ZNF568: variants seen among roughly 807,000 people sequenced by gnomAD.
ZNF568 encodes zinc finger protein 568, also known as p53 inhibitor of SCO2 activation.
In ZNF568, 11 loss-of-function variants were observed where a neutral mutation model predicts 18.1. The observed-to-expected ratio is 0.61, with a 90% confidence interval of 0.38 to 1.00. The LOEUF (loss-of-function observed/expected upper bound fraction) is 1.00, where lower values mean the gene tolerates loss of function less well. Among genes scored for constraint, ZNF568 ranks in the 50% least tolerant of loss-of-function variants. ZNF568 has a pLI of 0.01. For missense variants in ZNF568, 639 were observed against 768.2 expected, an observed-to-expected ratio of 0.83 and a Z score of 1.99; for synonymous variants, 213 against 246.6, an observed-to-expected ratio of 0.86 and a Z score of 1.28.
At chr19:36,932,742 A>G (rs1005333968) in intron 4 of ZNF568, among the ~76,000 whole-genome samples, 1 of 152,214 alleles carries the variant, frequency 6.6e-6, no homozygotes, top group Non-Finnish European at 1.5e-5. Flanking sequence ...GGTGTGAAGT[A>G]AAGCTCATGA....
At chr19:36,944,747 A>G (rs1298648010) in intron 6 of ZNF568, among the ~76,000 whole-genome samples, 2 of 152,172 alleles carry the variant, frequency 1.3e-5, no homozygotes, top group African/African-American at 4.8e-5. Flanking sequence ...AGTGACCCTT[A>G]AGGAGTAACA....
downstream of ZNF568, among the ~76,000 whole-genome samples, chr19:36,984,696 T>G (rs912210392): frequency 1.3e-5 from 2 of 152,112 alleles, no homozygotes; most frequent in African/African-American, 4.8e-5. Flanking sequence ...TTGTTTTTTT[T>G]TTAACATCTT....
intron 2 of ZNF568, among the ~76,000 whole-genome samples, chr19:36,989,893 A>G (rs1347043342): frequency 1.3e-5 from 2 of 152,072 alleles, no homozygotes; most frequent in Non-Finnish European, 2.9e-5. Context: ...CTGATGGAGT[A>G]GGAAAACCAA....
intron 4 of ZNF568, among the ~76,000 whole-genome samples, chr19:36,933,706 CGT>C (rs151286450): frequency 5.3e-5 from 8 of 149,756 alleles, no homozygotes; most frequent in Admixed American, 1.3e-4. Context: ...GGGGGTGGTG[CGT>C]GTGTGTGTGT....
intron 3 of ZNF568, 51 bp downstream of exon 3, chr19:36,922,897 T>G: frequency 4.5e-6 from 7 of 1,551,766 alleles, no homozygotes; most frequent in East Asian, 2.3e-5. Context: ...GCTCTACATT[T>G]GGGGACAGTG....
intron 4 of ZNF568, among the ~76,000 whole-genome samples, chr19:36,929,030 C>T (rs1394928853): frequency 6.6e-6 from 1 of 151,918 alleles, no homozygotes; most frequent in Non-Finnish European, 1.5e-5. Context: ...TAAAAACATG[C>T]AGAATGGCCA....
At chr19:36,957,310 C>T (rs1157045315), downstream of ZNF568, among the ~76,000 whole-genome samples, 1 of 141,452 alleles carries the variant, frequency 7.1e-6, no homozygotes, top group Non-Finnish European at 1.5e-5. Context: ...CGGCTCACTG[C>T]AATCTCTGCC....
At chr19:36,922,104 T>G (rs2073466324) in intron 2 of ZNF568, among the ~76,000 whole-genome samples, 1 of 152,138 alleles carries the variant, frequency 6.6e-6, no homozygotes, top group Non-Finnish European at 1.5e-5. Flanking sequence ...TAAACAACAA[T>G]AAACATTATC....
intron 6 of ZNF568, among the ~76,000 whole-genome samples, chr19:36,968,707 A>C (rs1190490031): frequency 3.3e-5 from 5 of 151,672 alleles, no homozygotes; most frequent in Non-Finnish European, 5.9e-5. Flanking sequence ...CAAGTGATCA[A>C]ATTGGCTCAC....
downstream of ZNF568, among the ~76,000 whole-genome samples, chr19:36,982,748 C>G (rs1481809080): frequency 1.3e-5 from 2 of 152,102 alleles, no homozygotes; most frequent in Non-Finnish European, 2.9e-5. Context: ...TAAGTGTTTT[C>G]TCTTTAATCT....
chr19:36,987,633 G>A (rs2074387060), intron 2 of ZNF568, among the ~76,000 whole-genome samples: 1 of 150,836 alleles, frequency 6.6e-6, no homozygotes. Context: ...TGCCTTCCAT[G>A]GCTGAGGGTC....
At chr19:36,994,711 G>A (rs1183921136) in intron 4 of ZNF568, among the ~76,000 whole-genome samples, 1 of 151,884 alleles carries the variant, frequency 6.6e-6, no homozygotes, top group African/African-American at 2.4e-5. Context: ...TAGTGTTGTT[G>A]CCCAGGCTGG....
downstream of ZNF568, chr19:36,979,926 T>C (rs1021980863): frequency 5.3e-5 from 8 of 152,320 alleles, no homozygotes; most frequent in African/African-American, 1.7e-4. Context: ...TGAGTTGATA[T>C]GTATTATTTT....
At chr19:36,927,888 TATATATATATA>T (rs1568381498) in intron 4 of ZNF568, among the ~76,000 whole-genome samples, 21 of 8,180 alleles carry the variant, frequency 2.6e-3, no homozygotes, top group Middle Eastern at 0.048. Flanking sequence ...ATATATATAT[TATATATATATA>T]TATATTTTTT....
chr19:36,917,309 A>G (rs2073359572), intron 1 of ZNF568, among the ~76,000 whole-genome samples: 1 of 152,220 alleles, frequency 6.6e-6, no homozygotes, highest in Non-Finnish European at 1.5e-5. Flanking sequence ...GATTGCCTCA[A>G]CCAGAGCAAG....
chr19:36,927,349 A>G (rs1184462011), intron 4 of ZNF568, among the ~76,000 whole-genome samples: 1 of 152,098 alleles, frequency 6.6e-6, no homozygotes, highest in Non-Finnish European at 1.5e-5. Context: ...CTTTAATCCA[A>G]CTGGATTATA....
chr19:36,977,179 G>C (rs1163847915), intron 7 of ZNF568, among the ~76,000 whole-genome samples: 2 of 151,950 alleles, frequency 1.3e-5, no homozygotes, highest in Non-Finnish European at 2.9e-5. Flanking sequence ...TGTGCCAGAT[G>C]GTCTTTCTTA....
downstream of ZNF568, among the ~76,000 whole-genome samples, chr19:36,982,439 T>C (rs1644662): frequency 0.57 from 87,229 of 152,008 alleles, 25,879 homozygotes; most frequent in African/African-American, 0.71. Context: ...TGGCTCATGC[T>C]TGTAATCCCA....
chr19:36,974,327 A>T, intron 6 of ZNF568: 1 of 1,089,386 alleles, frequency 9.2e-7, no homozygotes, highest in African/African-American at 1.6e-5. Flanking sequence ...TCTCCCTTTC[A>T]GTGCCTGGGG....
Sources: allele counts gnomAD v4.1 joint callset (sites outside exome capture counted in the v4.1 genomes callset), GRCh38; gene constraint gnomAD v4.1.1; transcripts MANE v1.5; gene names NCBI Gene and HGNC (gene_info 2026-07-23, HGNC 2026-07-21).